Variants in NR6A1 observed in about 807,000 individuals in gnomAD.
NR6A1 encodes the protein retinoic acid receptor-related testis-associated receptor.
Under a neutral mutation model 59.1 loss-of-function variants are expected in NR6A1, and 7 were observed. The ratio of observed to expected loss-of-function variants is 0.12; its 90% CI spans 0.07 to 0.22. NR6A1 has a LOEUF of 0.22. Ranked by LOEUF, NR6A1 falls within the 10% of genes least tolerant of loss-of-function variation. The pLI, the probability that NR6A1 is intolerant of heterozygous loss-of-function variation, is 1.00. For synonymous variants in NR6A1, 243 were observed against 236.1 expected, an observed-to-expected ratio of 1.03 and a Z score of -0.27; for missense variants, 468 against 611.6, an observed-to-expected ratio of 0.77 and a Z score of 2.48.
Position 124,525,284 on chromosome 9 carries a change from AAC to A in NR6A1, c.1202-413_1202-412del, listed in dbSNP as rs71492413. ...AATACCTACACATTCATGCTTGTAA[AAC>A]ACACACACACACACACACACACACA... On this transcript the variant is annotated intron_variant, in intron 8 of 9. Coordinates refer to ENST00000487099, the MANE Select transcript of NR6A1 (RefSeq NM_033334.4). 9.7e-3 allele frequency among the ~76,000 whole-genome samples: 1,328 copies of A among 137,362 alleles called. 15 individuals carry two copies. The highest frequency in any genetic ancestry group is 0.03 in the African/African-American group (1,073 of 35,920). 90.1% of individuals were successfully genotyped at this position (137,362 alleles called of 152,430 possible).
At chr9:124,599,342 C>T in intron 2 of NR6A1, 3 of 360,232 alleles carry the variant, frequency 8.3e-6, no homozygotes, top group South Asian at 6.9e-5. Context: ...CCGCTTGAAC[C>T]CGGGAGGCGG....
chr9:124,629,726 G>A (rs534111497), intron 2 of NR6A1, among the ~76,000 whole-genome samples: 3 of 152,178 alleles, frequency 2.0e-5, no homozygotes, highest in Admixed American at 6.5e-5. Flanking sequence ...TTAGCACATC[G>A]TTCTATGTAC....
chr9:124,767,049 G>C (rs1472535069), intron 1 of NR6A1, among the ~76,000 whole-genome samples: 1 of 152,160 alleles, frequency 6.6e-6, no homozygotes, highest in African/African-American at 2.4e-5. Context: ...TACAGCAACA[G>C]TTGGCATTTC....
intron 2 of NR6A1, among the ~76,000 whole-genome samples, chr9:124,597,708 A>C (rs1395165452): frequency 6.6e-6 from 1 of 152,226 alleles, no homozygotes; most frequent in African/African-American, 2.4e-5. Flanking sequence ...ATCTTTGGAT[A>C]TAGAGCCACA....
Position 124,519,901 on chromosome 9 carries a change from C to CAAAAAAAAAA in NR6A1, c.*2794_*2803dup, listed in dbSNP as rs10639098. 8.0e-4 allele frequency: 19 copies of CAAAAAAAAAA among 23,898 alleles called. 2 individuals are homozygous for CAAAAAAAAAA. The highest frequency in any genetic ancestry group is 2.2e-3 in the African/African-American group (17 of 7,646). The allele number at this position is 23,898 out of a possible 1,614,324, so 1.5% of individuals were successfully genotyped here. ...TGAGCGACAGAGCGAGACTCCGCCTCAAAAAAAAAAAAAAAAAAAAAAAAA... is the reference window on the plus strand; with the variant it reads ...TGAGCGACAGAGCGAGACTCCGCCTCAAAAAAAAAAAAAAAAAAAAAAAAAAAAAAAAAAA... On this transcript the variant is annotated 3_prime_UTR_variant, in exon 10 of 10. Transcript: ENST00000487099.
At chr9:124,646,237 A>G (rs909919985) in intron 2 of NR6A1, among the ~76,000 whole-genome samples, 1 of 152,166 alleles carries the variant, frequency 6.6e-6, no homozygotes, top group Non-Finnish European at 1.5e-5. Context: ...AAGAAAAGAA[A>G]TAATAAAAAT....
chr9:124,556,686 C>T (rs963185057), intron 2 of NR6A1, among the ~76,000 whole-genome samples: 3 of 151,950 alleles, frequency 2.0e-5, no homozygotes, highest in Admixed American at 1.3e-4. Context: ...GTCTTGAATT[C>T]CTGACCTCAA....
At chr9:124,619,259 T>TA (rs1183869783) in intron 2 of NR6A1, among the ~76,000 whole-genome samples, 3 of 152,136 alleles carry the variant, frequency 2.0e-5, no homozygotes, top group African/African-American at 7.2e-5. Flanking sequence ...TATGTAATTT[T>TA]AATTAAAAAA....
chr9:124,626,098 C>T (rs973520719), intron 2 of NR6A1, among the ~76,000 whole-genome samples: 9 of 152,220 alleles, frequency 5.9e-5, no homozygotes, highest in Non-Finnish European at 1.0e-4. Context: ...CCTCTGCCTG[C>T]GGGCTCAAGC....
At chr9:124,750,427 T>C (rs1005347170) in intron 1 of NR6A1, among the ~76,000 whole-genome samples, 1 of 152,158 alleles carries the variant, frequency 6.6e-6, no homozygotes, top group African/African-American at 2.4e-5. Context: ...GCTTTGGACT[T>C]TGCTCTTCTC....
intron 2 of NR6A1, among the ~76,000 whole-genome samples, chr9:124,667,382 T>C (rs1837656818): frequency 6.6e-6 from 1 of 152,096 alleles, no homozygotes; most frequent in Non-Finnish European, 1.5e-5. Context: ...TACATGAATA[T>C]AGTTTTAAAA....
At chr9:124,755,771 CTGAG>C (rs970030569) in intron 1 of NR6A1, among the ~76,000 whole-genome samples, 11 of 152,164 alleles carry the variant, frequency 7.2e-5, no homozygotes, top group Non-Finnish European at 1.3e-4. Flanking sequence ...TTTACACTGA[CTGAG>C]TATAATCAGA....
intron 2 of NR6A1, among the ~76,000 whole-genome samples, chr9:124,633,548 G>C (rs1215940524): frequency 6.6e-6 from 1 of 151,912 alleles, no homozygotes; most frequent in Non-Finnish European, 1.5e-5. Flanking sequence ...ATCAAAAGTT[G>C]AATGTAATTC....
intron 2 of NR6A1, among the ~76,000 whole-genome samples, chr9:124,611,821 G>A (rs1464977793): frequency 1.3e-5 from 2 of 151,274 alleles, no homozygotes; most frequent in Non-Finnish European, 2.9e-5. Flanking sequence ...TTCAGAGCAG[G>A]TCAACACTGA....
In NR6A1 at chr9:124,590,179, G is replaced by T. The variant is rs541222429; in HGVS notation, c.143-35609C>A. On this transcript the variant is annotated intron_variant, in intron 2 of 9. Transcript: ENST00000487099. ...ACATTTCGCTAATGGTAAATAGGAT[G>T]CTAACAGAGAAACAGAAAAATGAGG... Among the ~76,000 whole-genome samples, 90 of 150,804 alleles carry T rather than the reference G, an allele frequency of 6.0e-4. 1 individual carries two copies. The South Asian group carries it at 0.018, about 31-fold the overall frequency.
chr9:124,658,256 A>G (rs1223481256), intron 2 of NR6A1, among the ~76,000 whole-genome samples: 2 of 152,156 alleles, frequency 1.3e-5, no homozygotes, highest in East Asian at 3.9e-4. Flanking sequence ...CCAGTCCTGA[A>G]TTACGGCCTC....
intron 2 of NR6A1, among the ~76,000 whole-genome samples, chr9:124,661,746 A>G (rs1837441995): frequency 6.6e-6 from 1 of 152,238 alleles, no homozygotes; most frequent in Non-Finnish European, 1.5e-5. Flanking sequence ...GCGTTGTCCA[A>G]TACAGTAGCA....
intron 2 of NR6A1, among the ~76,000 whole-genome samples, chr9:124,618,298 A>ACCC (rs1361864972): frequency 1.6e-4 from 25 of 152,254 alleles, no homozygotes; most frequent in Admixed American, 2.6e-4. Flanking sequence ...CCTGGACAAC[A>ACCC]TAATGAAACC....
At chr9:124,552,647 A>G (rs1833811504) in intron 3 of NR6A1, among the ~76,000 whole-genome samples, 1 of 152,228 alleles carries the variant, frequency 6.6e-6, no homozygotes, top group Non-Finnish European at 1.5e-5. Context: ...AACTGTCAAC[A>G]TAACCACCCC....
Sources: allele counts gnomAD v4.1 joint callset (sites outside exome capture counted in the v4.1 genomes callset), GRCh38; gene constraint gnomAD v4.1.1; transcripts MANE v1.5; gene names NCBI Gene and HGNC (gene_info 2026-07-23, HGNC 2026-07-21).